MTBP: variants seen among roughly 807,000 people sequenced by gnomAD.
MTBP encodes mdm2-binding protein.
In MTBP, 101 loss-of-function variants were observed where a neutral mutation model predicts 117.0. That is an observed-to-expected ratio of 0.86 (90% CI 0.73 to 1.02). MTBP has a LOEUF of 1.02. Among genes scored for constraint, MTBP ranks in the 50% least tolerant of loss-of-function variants. The pLI, the probability that MTBP is intolerant of heterozygous loss-of-function variation, is 0.00. For missense variants in MTBP, 970 were observed against 1,030.9 expected (o/e 0.94, Z 0.81); for synonymous variants, 350 against 351.5 (o/e 1.00, Z 0.05).
chr8:120,504,465 C>A (rs1424018487), intron 15 of MTBP, among the ~76,000 whole-genome samples: 1 of 152,088 alleles, frequency 6.6e-6, no homozygotes, highest in Non-Finnish European at 1.5e-5. Flanking sequence ...CTTTTGATTA[C>A]ATTTTAGATT....
At chr8:120,446,966 T>C (rs1212145278) in intron 2 of MTBP, among the ~76,000 whole-genome samples, 1 of 152,234 alleles carries the variant, frequency 6.6e-6, no homozygotes, top group Non-Finnish European at 1.5e-5. Context: ...TTCTCAGTTC[T>C]TATCTGCTTT....
chr8:120,488,370 T>G (rs1814264518), intron 12 of MTBP, 38 bp downstream of exon 12: 1 of 1,433,214 alleles, frequency 7.0e-7, no homozygotes, highest in Non-Finnish European at 9.2e-7. Flanking sequence ...ATGTTTACAT[T>G]GTTTGTGTGT....
At chr8:120,490,622 G>A in intron 13 of MTBP, 52 bp downstream of exon 13, 1 of 1,148,390 alleles carries the variant, frequency 8.7e-7, no homozygotes, top group Non-Finnish European at 1.3e-6. Flanking sequence ...TGACTTGTTT[G>A]GACATAAGCT....
At position 120,490,540 on chromosome 8, in the gene MTBP, G is replaced by A; in HGVS notation, c.1417G>A (p.Val473Ile). ...IVQREKQLAN[V>I]QVLALEECLK... ...ACAGAGAGAGAAACAGTTAGCTAAT[G>A]TTCAAGTTTTAGCTTTGGAAGAATG... Residue 473 changes from valine to isoleucine, a missense_variant, in exon 13 of 22, where the codon GTT becomes ATT. By Grantham distance (29) the Val-to-Ile change is conservative. Coordinates refer to ENST00000305949, the MANE Select transcript of MTBP (RefSeq NM_022045.5). 3 of 1,606,460 alleles carry A rather than the reference G, an allele frequency of 1.9e-6. No homozygotes were observed. Among genetic ancestry groups the A allele is most frequent in the Non-Finnish European group, 2.5e-6 (3 of 1,177,430 alleles).
intron 11 of MTBP, among the ~76,000 whole-genome samples, chr8:120,486,204 G>T (rs977413332): frequency 3.3e-5 from 5 of 151,972 alleles, no homozygotes; most frequent in Non-Finnish European, 2.9e-5. Flanking sequence ...TGAACTACCA[G>T]CCTCCTTTTA....
At chr8:120,468,560 T>C (rs1043973330) in intron 10 of MTBP, among the ~76,000 whole-genome samples, 6 of 152,134 alleles carry the variant, frequency 3.9e-5, no homozygotes, top group African/African-American at 1.4e-4. Context: ...TGGTGAGAGG[T>C]CAGGTGAATA....
At chr8:120,465,854 G>T (rs947903395) in intron 10 of MTBP, among the ~76,000 whole-genome samples, 6 of 151,952 alleles carry the variant, frequency 3.9e-5, no homozygotes, top group Admixed American at 1.3e-4. Flanking sequence ...AAGTCAAAAT[G>T]AGATCTGTAC....
At chr8:120,482,004 C>G (rs76129212) in intron 11 of MTBP, among the ~76,000 whole-genome samples, 1 of 152,084 alleles carries the variant, frequency 6.6e-6, no homozygotes, top group Non-Finnish European at 1.5e-5. Context: ...TTGTTTCTCT[C>G]TCTAGTTCAA....
In MTBP at chr8:120,506,075, T is replaced by G. The variant is rs146436488; in HGVS notation, c.1728-631T>G. Among the ~76,000 whole-genome samples the G allele has an allele frequency of 1.9e-3, 295 of 152,304 alleles. 1 individual carries two copies. The highest frequency in any genetic ancestry group is 6.8e-3 in the Middle Eastern group (2 of 294). ...ATTTTGAGATAAGACCTATTCCATC[T>G]TTTTCAAGGAAACTTGTGAGGATTA... On this transcript the variant is annotated intron_variant, in intron 15 of 21. Transcript: ENST00000305949.
At chr8:120,501,759 G>A (rs891175707) in intron 14 of MTBP, among the ~76,000 whole-genome samples, 2 of 152,046 alleles carry the variant, frequency 1.3e-5, no homozygotes, top group Admixed American at 1.3e-4. Flanking sequence ...TAGTAATTTT[G>A]CCAGTGTTAA....
intron 13 of MTBP, among the ~76,000 whole-genome samples, chr8:120,491,253 C>T (rs967289089): frequency 2.1e-4 from 32 of 151,890 alleles, no homozygotes; most frequent in Non-Finnish European, 3.7e-4. Flanking sequence ...AAAAGTTATT[C>T]GAATTATATA....
chr8:120,450,764 C>T (rs775468228), intron 2 of MTBP, among the ~76,000 whole-genome samples: 12 of 151,948 alleles, frequency 7.9e-5, no homozygotes, highest in East Asian at 1.9e-4. Context: ...AATAATAATA[C>T]GAAATTCTGA....
chr8:120,468,635 T>C (rs995947615), intron 10 of MTBP, among the ~76,000 whole-genome samples: 1 of 151,896 alleles, frequency 6.6e-6, no homozygotes, highest in Admixed American at 6.5e-5. Flanking sequence ...TTGTGTGACG[T>C]GTGGTCAGGC....
At chr8:120,450,436 G>T (rs531204267) in intron 2 of MTBP, among the ~76,000 whole-genome samples, 1 of 152,086 alleles carries the variant, frequency 6.6e-6, no homozygotes, top group Non-Finnish European at 1.5e-5. Flanking sequence ...TTCCTGTTTT[G>T]AGTCTAATTT....
chr8:120,502,664 T>A, intron 15 of MTBP, 55 bp downstream of exon 15: 1 of 1,097,856 alleles, frequency 9.1e-7, no homozygotes, highest in Non-Finnish European at 1.3e-6. Flanking sequence ...TGAATGAATT[T>A]TTTAAAATAG....
chr8:120,502,554 G>A lies in MTBP; in HGVS notation c.1672G>A (p.Glu558Lys), dbSNP rs757662428. 1.2e-6 allele frequency: 2 copies of A among 1,604,246 alleles called. No individual in the cohort carries two copies. Among genetic ancestry groups the A allele is most frequent in the South Asian group, 2.3e-5 (2 of 87,664 alleles). ...LMETNPLEWP[E>K]RHVLQNLETF... Reference sequence around the variant, plus strand: ...GGAAACCAATCCTCTGGAATGGCCAGAAAGGCATGTTCTTCAAAATTTGGA... The same window carrying A: ...GGAAACCAATCCTCTGGAATGGCCAAAAAGGCATGTTCTTCAAAATTTGGA... Residue 558 changes from glutamate (E) to lysine (K), a missense_variant, in exon 15 of 22, where the codon GAA becomes AAA. Transcript: ENST00000305949.
chr8:120,479,079 C>T (rs1489803741), intron 11 of MTBP, among the ~76,000 whole-genome samples: 1 of 152,166 alleles, frequency 6.6e-6, no homozygotes, highest in Non-Finnish European at 1.5e-5. Context: ...ATCACATTTT[C>T]TCACAAATGG....
intron 17 of MTBP, among the ~76,000 whole-genome samples, chr8:120,511,733 CATT>C (rs1814814051): frequency 6.6e-6 from 1 of 152,080 alleles, no homozygotes; most frequent in African/African-American, 2.4e-5. Context: ...AGAAATTAAA[CATT>C]ATAGAAAAGT....
intron 13 of MTBP, among the ~76,000 whole-genome samples, chr8:120,490,967 G>A (rs1814333271): frequency 6.6e-6 from 1 of 152,072 alleles, no homozygotes; most frequent in Non-Finnish European, 1.5e-5. Context: ...GGAAATTAAT[G>A]TGTTACCTTG....
Sources: allele counts gnomAD v4.1 joint callset (sites outside exome capture counted in the v4.1 genomes callset), GRCh38; gene constraint gnomAD v4.1.1; transcripts MANE v1.5; gene names NCBI Gene and HGNC (gene_info 2026-07-23, HGNC 2026-07-21).